The following TMTC1 variants were observed in gnomAD, a reference collection of about 807,000 sequenced individuals.
TMTC1 encodes transmembrane O-mannosyltransferase targeting cadherins 1, also known as protein O-mannosyl-transferase TMTC1.
Under a neutral mutation model 104.8 loss-of-function variants are expected in TMTC1, and 73 were observed. The ratio of observed to expected loss-of-function variants is 0.70; its 90% CI spans 0.58 to 0.85. The LOEUF (loss-of-function observed/expected upper bound fraction) is 0.85. Among genes scored for constraint, TMTC1 ranks in the 40% least tolerant of loss-of-function variants. The pLI is 0.00. For missense variants in TMTC1, 1,035 were observed against 1,096.1 expected (o/e 0.94, Z 0.79); for synonymous variants, 434 against 428.7 (o/e 1.01, Z -0.15).
At chr12:29,758,439 C>G (rs141735315) in intron 3 of TMTC1, among the ~76,000 whole-genome samples, 9 of 152,248 alleles carry the variant, frequency 5.9e-5, no homozygotes, top group Admixed American at 2.0e-4. Context: ...TAAGAAACTA[C>G]AAGTAAAAGG....
chr12:29,546,172 A>G (rs1269016650), intron 10 of TMTC1, among the ~76,000 whole-genome samples: 3 of 152,166 alleles, frequency 2.0e-5, no homozygotes, highest in Non-Finnish European at 4.4e-5. Flanking sequence ...CTCAGTCTGT[A>G]ATGGGAGAGT....
At chr12:29,636,596 G>A (rs1034362367) in intron 5 of TMTC1, among the ~76,000 whole-genome samples, 4 of 152,056 alleles carry the variant, frequency 2.6e-5, no homozygotes, top group Non-Finnish European at 5.9e-5. Context: ...GAGGCGGGCG[G>A]ATCACAAGGT....
chr12:29,577,757 T>C (rs1401387743), intron 8 of TMTC1, among the ~76,000 whole-genome samples: 1 of 152,190 alleles, frequency 6.6e-6, no homozygotes. Context: ...CTTTCATTTA[T>C]GATACCTTTA....
At chr12:29,719,715 G>A (rs771462336) in intron 5 of TMTC1, among the ~76,000 whole-genome samples, 1 of 152,148 alleles carries the variant, frequency 6.6e-6, no homozygotes, top group Admixed American at 6.5e-5. Flanking sequence ...GCTCAACTAC[G>A]ACCTTACTTA....
chr12:29,715,047 C>T (rs112735631), intron 5 of TMTC1, among the ~76,000 whole-genome samples: 1 of 152,156 alleles, frequency 6.6e-6, no homozygotes, highest in African/African-American at 2.4e-5. Context: ...ATGATAAATT[C>T]TCTCAGGGCA....
intron 1 of TMTC1, among the ~76,000 whole-genome samples, chr12:29,778,565 T>C (rs188147533): frequency 1.3e-4 from 20 of 151,800 alleles, no homozygotes; most frequent in Admixed American, 7.9e-4. Flanking sequence ...AAAAAAAAAA[T>C]GTTATTGCTG....
intron 6 of TMTC1, among the ~76,000 whole-genome samples, chr12:29,623,356 T>A (rs1937778740): frequency 6.6e-6 from 1 of 152,188 alleles, no homozygotes; most frequent in South Asian, 2.1e-4. Context: ...TGCAAATAAG[T>A]AAAATACAAA....
At chr12:29,760,729 T>C (rs961544278) in intron 2 of TMTC1, among the ~76,000 whole-genome samples, 2 of 151,670 alleles carry the variant, frequency 1.3e-5, no homozygotes, top group Non-Finnish European at 2.9e-5. Context: ...TATATTACGC[T>C]AACAAATTAT....
intron 2 of TMTC1, 85 bp from the exon 3 acceptor site, chr12:29,758,862 T>C: frequency 2.5e-6 from 3 of 1,191,930 alleles, no homozygotes; most frequent in Non-Finnish European, 2.3e-6. Flanking sequence ...GAAATGTATT[T>C]GTTGTTAGAT....
chr12:29,627,031 G>A (rs1220973416), intron 6 of TMTC1, among the ~76,000 whole-genome samples: 1 of 152,136 alleles, frequency 6.6e-6, no homozygotes, highest in African/African-American at 2.4e-5. Context: ...GAGCCCGGGA[G>A]GCGGAGTTGC....
intron 11 of TMTC1, among the ~76,000 whole-genome samples, chr12:29,524,910 G>A (rs1276985598): frequency 6.6e-6 from 1 of 152,062 alleles, no homozygotes; most frequent in Non-Finnish European, 1.5e-5. Flanking sequence ...AGAGGCATAA[G>A]CAAGGAAAAA....
In TMTC1 at chr12:29,506,419, A is replaced by G. The variant is rs2136122147; in HGVS notation, c.*427T>C. The G allele has an allele frequency of 6.4e-6, 1 of 156,832 alleles. No individual in the cohort carries two copies. Among genetic ancestry groups the G allele is most frequent in the African/African-American group, 2.4e-5 (1 of 41,638 alleles). The allele number at this position is 156,832 out of a possible 1,614,324, so 9.7% of individuals were successfully genotyped here. On this transcript the variant is annotated 3_prime_UTR_variant, in exon 18 of 18. Transcript: ENST00000539277. ...GGATTTTCCAAATGGCTTACCACAG[A>G]GGATTTATCCTCTTTTGAAATATTT...
intron 9 of TMTC1, chr12:29,568,713 T>C: frequency 3.9e-6 from 1 of 255,530 alleles, no homozygotes; most frequent in African/African-American, 2.2e-5. Context: ...AGTACACACA[T>C]GGCCAAGTAC....
At chr12:29,607,301 A>G (rs975686464) in intron 6 of TMTC1, among the ~76,000 whole-genome samples, 1 of 152,182 alleles carries the variant, frequency 6.6e-6, no homozygotes, top group African/African-American at 2.4e-5. Context: ...TTCACTGGTG[A>G]ACGACTTTTG....
intron 6 of TMTC1, among the ~76,000 whole-genome samples, chr12:29,617,377 T>C: frequency 6.6e-6 from 1 of 152,144 alleles, no homozygotes; most frequent in Non-Finnish European, 1.5e-5. Context: ...GTTCAACAGA[T>C]ATGTTTCATT....
intron 5 of TMTC1, among the ~76,000 whole-genome samples, chr12:29,636,626 T>G (rs1459160382): frequency 6.6e-6 from 1 of 152,048 alleles, no homozygotes; most frequent in African/African-American, 2.4e-5. Context: ...GAGACCATCC[T>G]GTCCAACATG....
chr12:29,650,851 TTGATATG>T (rs1565740279), intron 5 of TMTC1, among the ~76,000 whole-genome samples: 1 of 152,160 alleles, frequency 6.6e-6, no homozygotes, highest in Non-Finnish European at 1.5e-5. Flanking sequence ...AGGACTCTTG[TTGATATG>T]TGAATAGAGG....
At chr12:29,617,566 G>A (rs866023319) in intron 6 of TMTC1, among the ~76,000 whole-genome samples, 1 of 150,194 alleles carries the variant, frequency 6.7e-6, no homozygotes, top group African/African-American at 2.5e-5. Context: ...GAGAGAGAGA[G>A]AGATAAAAAC....
intron 5 of TMTC1, among the ~76,000 whole-genome samples, chr12:29,709,929 A>G (rs1176752360): frequency 6.6e-6 from 1 of 152,216 alleles, no homozygotes; most frequent in Non-Finnish European, 1.5e-5. Flanking sequence ...CAATCGCAGA[A>G]CATGAGTCTC....
Sources: allele counts gnomAD v4.1 joint callset (sites outside exome capture counted in the v4.1 genomes callset), GRCh38; gene constraint gnomAD v4.1.1; transcripts MANE v1.5; gene names NCBI Gene and HGNC (gene_info 2026-07-23, HGNC 2026-07-21).